Variants in TMEM268 observed in about 807,000 individuals in gnomAD.
TMEM268 encodes the protein transmembrane protein C9orf91.
A neutral mutation model predicts 39.1 loss-of-function variants in TMEM268; 24 were observed. That is an observed-to-expected ratio of 0.61 (90% CI 0.44 to 0.86). The LOEUF (loss-of-function observed/expected upper bound fraction) is 0.86. Among genes scored for constraint, TMEM268 ranks in the 40% least tolerant of loss-of-function variants. The pLI is 0.00. For missense variants in TMEM268, 409 were observed against 428.6 expected, an observed-to-expected ratio of 0.95 and a Z score of 0.40; for synonymous variants, 176 against 173.5, an observed-to-expected ratio of 1.01 and a Z score of -0.12.
At chr9:114,626,302 CT>C (rs907949113) in intron 3 of TMEM268, among the ~76,000 whole-genome samples, 21 of 152,222 alleles carry the variant, frequency 1.4e-4, no homozygotes, top group African/African-American at 4.8e-4. Context: ...TTTCTTAGTT[CT>C]ACTCTCACGG....
upstream of TMEM268, among the ~76,000 whole-genome samples, chr9:114,609,958 C>A (rs1371538080): frequency 6.6e-6 from 1 of 152,118 alleles, no homozygotes; most frequent in Non-Finnish European, 1.5e-5. Flanking sequence ...CTGGAAATCA[C>A]CTTCATGTCC....
Position 114,638,597 on chromosome 9 carries a change from G to A in TMEM268, c.720G>A (p.Val240=), listed in dbSNP as rs756346148. The change falls in exon 8 of 9, where the codon GTG becomes GTA. Residue 240 remains valine, a synonymous_variant. Transcript: ENST00000288502. Reference sequence around the variant, plus strand: ...TGTGTGTTGTCATGGAGACTGGGGTGAGCCCTGCAACAGCGGAGGGGCCTG... The same window carrying A: ...TGTGTGTTGTCATGGAGACTGGGGTAAGCCCTGCAACAGCGGAGGGGCCTG... The part of the protein sequence containing the change: ...SQLCVVMETG[V]SPATAEGPEN... The A allele has an allele frequency of 1.2e-6, 2 of 1,607,916 alleles. No homozygotes were observed. The highest frequency in any genetic ancestry group is 1.7e-6 in the Non-Finnish European group (2 of 1,177,512).
intron 2 of TMEM268, among the ~76,000 whole-genome samples, chr9:114,617,848 A>C (rs747871332): frequency 4.6e-5 from 7 of 151,790 alleles, no homozygotes; most frequent in Non-Finnish European, 1.0e-4. Flanking sequence ...CTGGGGTTAC[A>C]GGAATGGGGC....
chr9:114,637,011 C>A lies in TMEM268; in HGVS notation c.607C>A (p.Leu203Met). The change falls in exon 7 of 9, where the codon CTG (leucine) becomes ATG (methionine). Residue 203 changes from leucine to methionine, a missense_variant. Coordinates refer to ENST00000288502, the MANE Select transcript of TMEM268 (RefSeq NM_153045.4). Reference sequence around the variant, plus strand: ...ACAGCTTTGGTTTGTCTACTTCGACCTGGAGAACTGTGTGCAGTTTTTGTC... The same window carrying A: ...ACAGCTTTGGTTTGTCTACTTCGACATGGAGAACTGTGTGCAGTTTTTGTC... The part of the protein sequence containing the change: ...VIQLWFVYFD[L>M]ENCVQFLSDH... The A allele has an allele frequency of 3.1e-6, 5 of 1,613,364 alleles. No homozygotes were observed. The highest frequency in any genetic ancestry group is 4.2e-6 in the Non-Finnish European group (5 of 1,179,442).
intron 5 of TMEM268, among the ~76,000 whole-genome samples, chr9:114,632,750 T>C (rs1846455400): frequency 6.6e-6 from 1 of 152,204 alleles, no homozygotes; most frequent in African/African-American, 2.4e-5. Flanking sequence ...GCAAATATCT[T>C]ATGAACCTTG....
chr9:114,634,325 G>A lies in TMEM268; in HGVS notation c.585+447G>A, dbSNP rs150926314. Among the ~76,000 whole-genome samples the A allele has an allele frequency of 8.9e-4, 135 of 152,326 alleles. 1 individual carries two copies. Among genetic ancestry groups the A allele is most frequent in the Middle Eastern group, 3.4e-3 (1 of 294 alleles). ...GCCCCCAACAAGGCTGAGAGGCAAGGTACACAGGGTCCCTTTGAAGGGCTG... is the reference window on the plus strand; with the variant it reads ...GCCCCCAACAAGGCTGAGAGGCAAGATACACAGGGTCCCTTTGAAGGGCTG... On this transcript the variant is annotated intron_variant, in intron 6 of 8. Coordinates refer to ENST00000288502, the MANE Select transcript of TMEM268 (RefSeq NM_153045.4).
At chr9:114,612,527 T>G (rs891564275) in intron 1 of TMEM268, among the ~76,000 whole-genome samples, 6 of 152,244 alleles carry the variant, frequency 3.9e-5, no homozygotes, top group African/African-American at 1.4e-4. Context: ...ATGATAGGCA[T>G]CTGCCCTTGA....
chr9:114,627,101 AGGGGCTT>A, intron 4 of TMEM268, 95 bp downstream of exon 4: 1 of 911,024 alleles, frequency 1.1e-6, no homozygotes, highest in South Asian at 1.5e-5. Flanking sequence ...GGTGTGGGTC[AGGGGCTT>A]GGGGGCTGTT....
intron 2 of TMEM268, chr9:114,624,124 T>G: frequency 7.3e-6 from 6 of 818,252 alleles, no homozygotes; most frequent in Non-Finnish European, 1.0e-5. Flanking sequence ...TGGTCTCACA[T>G]TGTGGTCCTA....
intron 2 of TMEM268, among the ~76,000 whole-genome samples, chr9:114,621,019 G>C (rs964449184): frequency 6.6e-6 from 1 of 152,096 alleles, no homozygotes; most frequent in Non-Finnish European, 1.5e-5. Context: ...TGAGATCAGA[G>C]ATGATATCCC....
intron 6 of TMEM268, among the ~76,000 whole-genome samples, chr9:114,636,420 G>T (rs952377776): frequency 6.6e-6 from 1 of 152,194 alleles, no homozygotes; most frequent in African/African-American, 2.4e-5. Flanking sequence ...AGGGTTCGGA[G>T]TCTGTCTGGG....
intron 5 of TMEM268, among the ~76,000 whole-genome samples, chr9:114,633,373 G>T (rs1290836296): frequency 6.6e-6 from 1 of 152,072 alleles, no homozygotes; most frequent in Middle Eastern, 3.2e-3. Context: ...TGTTGGCCAG[G>T]CTGGTCTCGA....
At chr9:114,612,643 A>C (rs538838238) in intron 1 of TMEM268, among the ~76,000 whole-genome samples, 1 of 152,164 alleles carries the variant, frequency 6.6e-6, no homozygotes, top group Non-Finnish European at 1.5e-5. Flanking sequence ...CCTCTGGTCC[A>C]TATCCCTTTC....
intron 8 of TMEM268, 82 bp downstream of exon 8, chr9:114,638,808 T>G: frequency 9.3e-7 from 1 of 1,073,356 alleles, no homozygotes; most frequent in Non-Finnish European, 1.3e-6. Context: ...GCTTCTTAGA[T>G]TCCCCAAGAC....
chr9:114,636,965 T>C (rs1394926766), intron 6 of TMEM268, 25 bp from the exon 7 acceptor site: 6 of 1,567,518 alleles, frequency 3.8e-6, no homozygotes, highest in Non-Finnish European at 5.3e-6. Flanking sequence ...TGAGCCACGG[T>C]GGTCACTGCT....
intron 1 of TMEM268, among the ~76,000 whole-genome samples, chr9:114,614,162 G>C (rs1444877608): frequency 6.6e-6 from 1 of 152,224 alleles, no homozygotes; most frequent in Non-Finnish European, 1.5e-5. Context: ...ATGTGGCAGA[G>C]TGGGAATTTA....
At chr9:114,613,603 CTT>C (rs1845590590) in intron 1 of TMEM268, among the ~76,000 whole-genome samples, 1 of 152,176 alleles carries the variant, frequency 6.6e-6, no homozygotes, top group South Asian at 2.1e-4. Context: ...GTGAGAAACA[CTT>C]AGCATATTTA....
At chr9:114,634,971 A>G (rs1589355326) in intron 6 of TMEM268, among the ~76,000 whole-genome samples, 1 of 152,262 alleles carries the variant, frequency 6.6e-6, no homozygotes, top group East Asian at 1.9e-4. Flanking sequence ...AGCCTCGTTT[A>G]TCTTTGAATC....
chr9:114,605,493 A>C, the TMEM268 span, among the ~76,000 whole-genome samples: 2 of 152,172 alleles, frequency 1.3e-5, no homozygotes, highest in Non-Finnish European at 2.9e-5. Flanking sequence ...CTTTTAAAAA[A>C]ATTTCAGATG....
Sources: allele counts gnomAD v4.1 joint callset (sites outside exome capture counted in the v4.1 genomes callset), GRCh38; gene constraint gnomAD v4.1.1; transcripts MANE v1.5; gene names NCBI Gene and HGNC (gene_info 2026-07-23, HGNC 2026-07-21).